The following ADAMTS6 variants were observed in gnomAD, a reference collection of about 807,000 sequenced individuals.
ADAMTS6 encodes the protein A disintegrin and metalloproteinase with thrombospondin motifs 6.
In ADAMTS6, 23 loss-of-function variants were observed where a neutral mutation model predicts 144.3. The observed-to-expected ratio is 0.16, with a 90% CI of 0.11 to 0.23. The LOEUF is 0.23. Ranked by LOEUF, ADAMTS6 falls within the 10% of genes least tolerant of loss-of-function variation. The pLI is 1.00. For synonymous variants in ADAMTS6, 444 were observed against 457.5 expected (o/e 0.97, Z 0.38); for missense variants, 999 against 1,379.6 (o/e 0.72, Z 4.37).
intron 10 of ADAMTS6, among the ~76,000 whole-genome samples, chr5:65,299,349 A>T: frequency 6.6e-6 from 1 of 152,192 alleles, no homozygotes; most frequent in East Asian, 1.9e-4. Context: ...TTTCCAAAGT[A>T]CAATCCTGAA....
intron 7 of ADAMTS6, among the ~76,000 whole-genome samples, chr5:65,411,260 G>A (rs985645231): frequency 2.6e-5 from 4 of 152,112 alleles, no homozygotes; most frequent in Admixed American, 6.6e-5. Flanking sequence ...GGGAGTGCAC[G>A]TATCTCTTCA....
intron 11 of ADAMTS6, among the ~76,000 whole-genome samples, chr5:65,289,250 G>T (rs1742048037): frequency 1.3e-5 from 2 of 151,832 alleles, no homozygotes; most frequent in African/African-American, 4.8e-5. Context: ...GAATATAAAG[G>T]CAAGCCACGC....
At chr5:65,475,527 C>T (rs938315798) in intron 1 of ADAMTS6, among the ~76,000 whole-genome samples, 19 of 152,082 alleles carry the variant, frequency 1.2e-4, no homozygotes, top group African/African-American at 4.8e-5. Flanking sequence ...GTAATAAGGT[C>T]GTGCAAAGTT....
At chr5:65,186,286 TTTCCATA>T (rs1754670227) in intron 22 of ADAMTS6, among the ~76,000 whole-genome samples, 1 of 152,194 alleles carries the variant, frequency 6.6e-6, no homozygotes, top group African/African-American at 2.4e-5. Flanking sequence ...CAGCTCTGAA[TTTCCATA>T]TTAATTATAC....
At chr5:65,444,797 C>A (rs1477707072) in intron 7 of ADAMTS6, among the ~76,000 whole-genome samples, 1 of 151,992 alleles carries the variant, frequency 6.6e-6, no homozygotes, top group Non-Finnish European at 1.5e-5. Flanking sequence ...GTTGCATATC[C>A]TTATAACTCT....
At chr5:65,294,426 T>A (rs1338428193) in intron 10 of ADAMTS6, among the ~76,000 whole-genome samples, 1 of 152,162 alleles carries the variant, frequency 6.6e-6, no homozygotes, top group African/African-American at 2.4e-5. Flanking sequence ...CCCAGGCTGG[T>A]CTAGAACTCC....
chr5:65,191,970 C>G (rs1755041961), intron 21 of ADAMTS6, among the ~76,000 whole-genome samples: 1 of 152,004 alleles, frequency 6.6e-6, no homozygotes, highest in Admixed American at 6.6e-5. Flanking sequence ...TAGCATACCT[C>G]AGTCTGTGAA....
chr5:65,157,188 G>A (rs1212528687), intron 24 of ADAMTS6, among the ~76,000 whole-genome samples: 1 of 152,176 alleles, frequency 6.6e-6, no homozygotes, highest in East Asian at 1.9e-4. Context: ...TGGTAGAGTT[G>A]AATGATAAAA....
intron 7 of ADAMTS6, among the ~76,000 whole-genome samples, chr5:65,433,016 G>A (rs543622639): frequency 6.6e-6 from 1 of 152,058 alleles, no homozygotes; most frequent in East Asian, 1.9e-4. Context: ...TGACCATTTA[G>A]TTCCCCAAAT....
intron 15 of ADAMTS6, among the ~76,000 whole-genome samples, chr5:65,232,694 AG>A (rs1331024738): frequency 1.3e-5 from 2 of 150,296 alleles, no homozygotes; most frequent in Non-Finnish European, 2.9e-5. Flanking sequence ...AGGTTGAAAC[AG>A]TAAAAAAAAA....
chr5:65,169,891 A>T (rs1295185254), intron 24 of ADAMTS6, among the ~76,000 whole-genome samples: 35 of 82,174 alleles, frequency 4.3e-4, no homozygotes, highest in Non-Finnish European at 6.2e-4. Flanking sequence ...TGTGGTGGGG[A>T]GGGGGGAGGG....
At chr5:65,428,167 T>C (rs902238159) in intron 7 of ADAMTS6, among the ~76,000 whole-genome samples, 5 of 145,374 alleles carry the variant, frequency 3.4e-5, no homozygotes, top group African/African-American at 1.0e-4. Flanking sequence ...CAGCAGTTGC[T>C]GTGAGCCAAG....
At chr5:65,283,545 T>G (rs752885000) in intron 11 of ADAMTS6, among the ~76,000 whole-genome samples, 1 of 152,156 alleles carries the variant, frequency 6.6e-6, no homozygotes, top group Admixed American at 6.6e-5. Flanking sequence ...CATGGACTTA[T>G]GATTTTAGCT....
chr5:65,271,226 A>T (rs955281070), intron 12 of ADAMTS6, among the ~76,000 whole-genome samples: 11 of 151,910 alleles, frequency 7.2e-5, no homozygotes, highest in Admixed American at 6.6e-4. Flanking sequence ...CATCTCTACT[A>T]AAAATACAAA....
chr5:65,365,579 G>A lies in ADAMTS6; in HGVS notation c.1074-31494C>T, dbSNP rs576536706. The stretch of plus-strand genomic sequence containing the variant: ...AGAGAATCACTTGAACCTGGGAGGC[G>A]GAGGTTTCAGTGAGCGGAGATCATG... On this transcript the variant is annotated intron_variant, in intron 7 of 24. Coordinates refer to ENST00000381055, the MANE Select transcript of ADAMTS6 (RefSeq NM_197941.4). Among the ~76,000 whole-genome samples, 46 of 151,822 alleles carry A rather than the reference G, an allele frequency of 3.0e-4. No individual in the cohort carries two copies. The South Asian group carries it at 7.7e-3, about 25-fold the overall frequency.
intron 11 of ADAMTS6, among the ~76,000 whole-genome samples, chr5:65,290,920 C>T (rs1742237365): frequency 2.0e-5 from 3 of 151,882 alleles, no homozygotes; most frequent in African/African-American, 7.3e-5. Context: ...TGACTTAGCA[C>T]TATCAAGTAG....
At chr5:65,426,968 C>T (rs1160905782) in intron 7 of ADAMTS6, among the ~76,000 whole-genome samples, 1 of 151,958 alleles carries the variant, frequency 6.6e-6, no homozygotes, top group African/African-American at 2.4e-5. Context: ...TCACACTAAA[C>T]AGAAACAGAA....
At chr5:65,334,212 G>A in intron 7 of ADAMTS6, 127 bp from the exon 8 acceptor site, 1 of 1,076,412 alleles carries the variant, frequency 9.3e-7, no homozygotes, top group East Asian at 2.9e-5. Flanking sequence ...ATCAACTGGA[G>A]TGTCGGCATT....
chr5:65,272,753 C>T (rs776709442), intron 12 of ADAMTS6, among the ~76,000 whole-genome samples: 6 of 151,624 alleles, frequency 4.0e-5, no homozygotes, highest in Admixed American at 6.6e-5. Flanking sequence ...AACCCCGTCT[C>T]TACCGAAAAA....
Sources: allele counts gnomAD v4.1 joint callset (sites outside exome capture counted in the v4.1 genomes callset), GRCh38; gene constraint gnomAD v4.1.1; transcripts MANE v1.5; gene names NCBI Gene and HGNC (gene_info 2026-07-23, HGNC 2026-07-21).